Variants in DCDC1 observed in about 807,000 individuals in gnomAD.
DCDC1 encodes the protein doublecortin domain-containing protein 1.
DCDC1 carries 200 observed loss-of-function variants against 178.3 expected under a neutral mutation model. That is an observed-to-expected ratio of 1.12 (90% CI 1.00 to 1.26). DCDC1 has a LOEUF of 1.26. Among genes scored for constraint, DCDC1 ranks in the 50% most tolerant of loss-of-function variants. The probability of loss-of-function intolerance (pLI) is 0.00; values close to 1 mark genes in which losing one functional copy is unlikely to be tolerated. For synonymous variants in DCDC1, 690 were observed against 604.8 expected (o/e 1.14, Z -2.07); for missense variants, 1,983 against 1,749.2 (o/e 1.13, Z -2.38).
At chr11:30,897,915 T>TA (rs1444104692) in intron 34 of DCDC1, among the ~76,000 whole-genome samples, 8 of 152,248 alleles carry the variant, frequency 5.3e-5, no homozygotes, top group Non-Finnish European at 8.8e-5. Context: ...CACATTACCC[T>TA]AGGCTTGGAA....
At chr11:31,101,779 T>A (rs1591048499) in intron 15 of DCDC1, among the ~76,000 whole-genome samples, 1 of 151,934 alleles carries the variant, frequency 6.6e-6, no homozygotes, top group South Asian at 2.1e-4. Context: ...ATTTATAGTT[T>A]AAAAAAACTG....
chr11:31,132,912 ACTT>A (rs1187391231), intron 10 of DCDC1, among the ~76,000 whole-genome samples: 3 of 152,154 alleles, frequency 2.0e-5, no homozygotes, highest in Non-Finnish European at 4.4e-5. Flanking sequence ...ACAAACCCAA[ACTT>A]CTGAAAGAAT....
At chr11:31,277,473 C>A (rs1353008021) in intron 7 of DCDC1, among the ~76,000 whole-genome samples, 1 of 152,100 alleles carries the variant, frequency 6.6e-6, no homozygotes. Flanking sequence ...TAAGTGTAAG[C>A]TTAACTTTAT....
rs541012756 is a variant in DCDC1 at position 31,359,177 on chromosome 11, A to T, written c.-125+10520T>A. 1.9e-3 allele frequency among the ~76,000 whole-genome samples: 283 copies of T among 152,260 alleles called. 2 individuals carry two copies. The highest frequency in any genetic ancestry group is 6.0e-3 in the African/African-American group (248 of 41,562). ...CTATTCACAATAGCAAAGACTTGGAACCAACCCAAATGTCCAACAATGATA... is the reference window on the plus strand; with the variant it reads ...CTATTCACAATAGCAAAGACTTGGATCCAACCCAAATGTCCAACAATGATA... On this transcript the variant is annotated intron_variant, in intron 1 of 38. Coordinates refer to ENST00000684477, the MANE Select transcript of DCDC1 (RefSeq NM_001387274.1).
chr11:31,309,142 T>TGTGTGTGTGTG (rs1555173338), intron 3 of DCDC1, among the ~76,000 whole-genome samples: 2,611 of 148,036 alleles, frequency 0.018, 31 homozygotes, highest in Non-Finnish European at 0.022. Flanking sequence ...AAATAGATGT[T>TGTGTGTGTGTG]TGTGTGTGTG....
At chr11:31,331,851 G>C (rs1042181021) in intron 2 of DCDC1, among the ~76,000 whole-genome samples, 4 of 151,446 alleles carry the variant, frequency 2.6e-5, no homozygotes, top group Non-Finnish European at 5.9e-5. Context: ...TTTTTTTGTT[G>C]TGTCTCTGTC....
At chr11:31,215,198 G>T in intron 9 of DCDC1, 1 of 252,432 alleles carries the variant, frequency 4.0e-6, no homozygotes, top group Non-Finnish European at 8.3e-6. Flanking sequence ...GGAAGGCTGA[G>T]GCAGGAGGAT....
At chr11:31,296,024 A>G (rs1262860078) in intron 6 of DCDC1, among the ~76,000 whole-genome samples, 1 of 152,120 alleles carries the variant, frequency 6.6e-6, no homozygotes, top group Non-Finnish European at 1.5e-5. Context: ...CATCAATTTT[A>G]TCATTACCTA....
chr11:31,023,419 A>G (rs16921690), intron 20 of DCDC1, among the ~76,000 whole-genome samples: 2,297 of 152,136 alleles, frequency 0.015, 53 homozygotes, highest in African/African-American at 0.051. Flanking sequence ...ATCCTGGGCA[A>G]TCAAAGGCTT....
intron 14 of DCDC1, 29 bp from the exon 15 acceptor site, chr11:31,102,311 T>G (rs761935534): frequency 4.6e-6 from 3 of 648,858 alleles, no homozygotes; most frequent in African/African-American, 1.8e-5. Context: ...GTAATTATTT[T>G]TATTAGAATA....
At chr11:31,043,566 G>T (rs1216675370) in intron 20 of DCDC1, among the ~76,000 whole-genome samples, 1 of 151,870 alleles carries the variant, frequency 6.6e-6, no homozygotes, top group Non-Finnish European at 1.5e-5. Context: ...GTAACTAAGA[G>T]AACAAACCAA....
chr11:31,250,185 T>C (rs1438614756), intron 8 of DCDC1, among the ~76,000 whole-genome samples: 3 of 151,760 alleles, frequency 2.0e-5, no homozygotes, highest in South Asian at 2.1e-4. Flanking sequence ...TAGGAGAACA[T>C]GTAATGTTTA....
intron 10 of DCDC1, among the ~76,000 whole-genome samples, chr11:31,129,272 G>A (rs1962096910): frequency 6.6e-6 from 1 of 151,968 alleles, no homozygotes; most frequent in Non-Finnish European, 1.5e-5. Flanking sequence ...CTTTACAAGT[G>A]TTACATGCAT....
At chr11:31,279,599 T>C (rs1004288760) in intron 7 of DCDC1, among the ~76,000 whole-genome samples, 5 of 152,096 alleles carry the variant, frequency 3.3e-5, no homozygotes, top group Non-Finnish European at 7.4e-5. Flanking sequence ...TGCAGGGACA[T>C]GGATGAAACC....
At chr11:30,994,671 T>G (rs1173226188) in intron 20 of DCDC1, among the ~76,000 whole-genome samples, 1 of 145,406 alleles carries the variant, frequency 6.9e-6, no homozygotes, top group Non-Finnish European at 1.5e-5. Flanking sequence ...TTATATAATA[T>G]ATAATATATA....
intron 9 of DCDC1, among the ~76,000 whole-genome samples, chr11:31,205,307 A>G (rs1236849123): frequency 6.6e-6 from 1 of 152,202 alleles, no homozygotes; most frequent in African/African-American, 2.4e-5. Context: ...TATGGTACAC[A>G]AAGCCTAAAA....
At chr11:31,106,593 G>A (rs187716081) in intron 13 of DCDC1, among the ~76,000 whole-genome samples, 3 of 152,306 alleles carry the variant, frequency 2.0e-5, no homozygotes, top group Non-Finnish European at 4.4e-5. Context: ...CATTAAGACA[G>A]AAAGTCACAG....
intron 7 of DCDC1, among the ~76,000 whole-genome samples, chr11:31,284,569 A>G (rs1278690092): frequency 6.6e-6 from 1 of 152,136 alleles, no homozygotes; most frequent in Non-Finnish European, 1.5e-5. Flanking sequence ...AAATGTACAT[A>G]TAAAAACTAT....
intron 30 of DCDC1, 45 bp from the exon 31 acceptor site, chr11:30,905,209 G>A: frequency 6.5e-7 from 1 of 1,533,728 alleles, no homozygotes; most frequent in Non-Finnish European, 8.8e-7. Context: ...AAACTTTCTT[G>A]TTTTAGTGTG....
Sources: allele counts gnomAD v4.1 joint callset (sites outside exome capture counted in the v4.1 genomes callset), GRCh38; gene constraint gnomAD v4.1.1; transcripts MANE v1.5; gene names NCBI Gene and HGNC (gene_info 2026-07-23, HGNC 2026-07-21).